Variants in SLC7A1 observed in about 807,000 individuals in gnomAD.
SLC7A1 encodes the protein high affinity cationic amino acid transporter 1.
Under a neutral mutation model 53.9 loss-of-function variants are expected in SLC7A1, and 10 were observed. The observed-to-expected ratio is 0.19, with a 90% confidence interval of 0.11 to 0.31. SLC7A1 has a LOEUF of 0.31. SLC7A1 is among the 10% of genes least tolerant of loss of function. The pLI, the probability that SLC7A1 is intolerant of heterozygous loss-of-function variation, is 1.00. For missense variants in SLC7A1, 525 were observed against 827.2 expected (o/e 0.63, Z 4.48); for synonymous variants, 342 against 338.7 (o/e 1.01, Z -0.11).
At chr13:29,578,993 C>G (rs1396619533) in intron 1 of SLC7A1, among the ~76,000 whole-genome samples, 2 of 152,224 alleles carry the variant, frequency 1.3e-5, no homozygotes, top group African/African-American at 4.8e-5. Flanking sequence ...GAAACAGATA[C>G]AAGTGGTGCC....
At chr13:29,531,038 C>G (rs550813420) in intron 4 of SLC7A1, among the ~76,000 whole-genome samples, 1 of 152,258 alleles carries the variant, frequency 6.6e-6, no homozygotes, top group African/African-American at 2.4e-5. Flanking sequence ...AGGGGAAAGC[C>G]TGGACCCGCA....
chr13:29,590,003 C>A (rs1872043670), intron 1 of SLC7A1, among the ~76,000 whole-genome samples: 1 of 152,214 alleles, frequency 6.6e-6, no homozygotes, highest in South Asian at 2.1e-4. Flanking sequence ...AGCCCCAGGG[C>A]CCCTCCCTTC....
chr13:29,545,436 C>A (rs1869872893), intron 2 of SLC7A1, among the ~76,000 whole-genome samples: 1 of 152,074 alleles, frequency 6.6e-6, no homozygotes, highest in Non-Finnish European at 1.5e-5. Context: ...CAAGGCACAA[C>A]GTCAAGGTCT....
At chr13:29,531,188 G>A (rs1463855278) in intron 4 of SLC7A1, among the ~76,000 whole-genome samples, 1 of 152,170 alleles carries the variant, frequency 6.6e-6, no homozygotes, top group Non-Finnish European at 1.5e-5. Flanking sequence ...GTTGACTTTG[G>A]GATGTTAGTG....
chr13:29,550,656 G>C (rs1188467171), intron 2 of SLC7A1, among the ~76,000 whole-genome samples: 4 of 152,306 alleles, frequency 2.6e-5, no homozygotes, highest in Non-Finnish European at 5.9e-5. Context: ...CAACCTGAGG[G>C]AATGTGGAAG....
chr13:29,527,935 G>A (rs1868973003), intron 5 of SLC7A1, among the ~76,000 whole-genome samples: 1 of 152,248 alleles, frequency 6.6e-6, no homozygotes, highest in African/African-American at 2.4e-5. Flanking sequence ...GTTTCCCAGA[G>A]TCACTAGCTG....
At chr13:29,522,203 GT>G in intron 8 of SLC7A1, 113 bp downstream of exon 8, 6 of 1,085,978 alleles carry the variant, frequency 5.5e-6, no homozygotes, top group Non-Finnish European at 8.2e-6. Flanking sequence ...AAAACCAGGA[GT>G]TAAAAAGACC....
chr13:29,548,652 C>A (rs1440331250), intron 2 of SLC7A1, among the ~76,000 whole-genome samples: 1 of 152,274 alleles, frequency 6.6e-6, no homozygotes, highest in Non-Finnish European at 1.5e-5. Flanking sequence ...TCCAGCTTCT[C>A]AAGGTCCAGC....
intron 5 of SLC7A1, among the ~76,000 whole-genome samples, chr13:29,527,170 G>T (rs995433249): frequency 6.6e-6 from 1 of 151,954 alleles, no homozygotes; most frequent in Non-Finnish European, 1.5e-5. Flanking sequence ...TAAGAAAACA[G>T]AAATAAAATA....
intron 2 of SLC7A1, among the ~76,000 whole-genome samples, chr13:29,550,576 A>G (rs994517271): frequency 2.0e-5 from 3 of 152,236 alleles, no homozygotes; most frequent in Non-Finnish European, 4.4e-5. Context: ...GGGAGCTGAC[A>G]GCAGCCTGCA....
At chr13:29,552,254 CAG>C (rs1555292267) in intron 2 of SLC7A1, among the ~76,000 whole-genome samples, 79 of 140,382 alleles carry the variant, frequency 5.6e-4, no homozygotes, top group South Asian at 7.1e-4. Context: ...CACACACACA[CAG>C]ACACACACAC....
At chr13:29,548,522 C>T (rs1870028341) in intron 2 of SLC7A1, among the ~76,000 whole-genome samples, 1 of 152,202 alleles carries the variant, frequency 6.6e-6, no homozygotes, top group East Asian at 1.9e-4. Flanking sequence ...GGGATTTACA[C>T]CTTTATTTAG....
intron 1 of SLC7A1, among the ~76,000 whole-genome samples, chr13:29,588,486 C>A (rs540082326): frequency 2.1e-5 from 3 of 145,956 alleles, no homozygotes; most frequent in Non-Finnish European, 3.0e-5. Flanking sequence ...TGCACTCCTG[C>A]AAATTTTCTT....
At position 29,522,510 on chromosome 13, in the gene SLC7A1, G is replaced by A. The variant is rs1868675289; in HGVS notation, c.1050-54C>T. The A allele has an allele frequency of 1.9e-6, 3 of 1,596,810 alleles. No individual in the cohort carries two copies. The South Asian group carries it at 3.3e-5, about 18-fold the overall frequency. The stretch of plus-strand genomic sequence containing the variant: ...TGAACCTGGCTCATAAGGGATAAAG[G>A]CACCACATCCAGCCATGCTCGGTTT... On this transcript the variant is annotated intron_variant, in intron 7 of 12. Transcript: ENST00000380752.
chr13:29,586,373 G>A (rs1018906579), intron 1 of SLC7A1, among the ~76,000 whole-genome samples: 1 of 152,146 alleles, frequency 6.6e-6, no homozygotes, highest in African/African-American at 2.4e-5. Context: ...CACTATTTTA[G>A]GTGCCACAAA....
At chr13:29,562,260 C>T (rs1424114000) in intron 1 of SLC7A1, among the ~76,000 whole-genome samples, 2 of 152,096 alleles carry the variant, frequency 1.3e-5, no homozygotes, top group African/African-American at 4.8e-5. Context: ...ATAGTTCTTC[C>T]CCTACTTTCT....
At chr13:29,549,472 A>C (rs1236367750) in intron 2 of SLC7A1, among the ~76,000 whole-genome samples, 2 of 152,166 alleles carry the variant, frequency 1.3e-5, no homozygotes, top group African/African-American at 4.8e-5. Context: ...GACCAATACC[A>C]TGACCACACA....
intron 2 of SLC7A1, among the ~76,000 whole-genome samples, chr13:29,539,316 G>T (rs547859693): frequency 6.6e-6 from 1 of 152,180 alleles, no homozygotes; most frequent in Non-Finnish European, 1.5e-5. Flanking sequence ...AACGGAAGGC[G>T]AATGTGAGCC....
At chr13:29,559,809 A>G (rs539817856) in intron 1 of SLC7A1, among the ~76,000 whole-genome samples, 190 of 150,412 alleles carry the variant, frequency 1.3e-3, no homozygotes, top group East Asian at 4.9e-3. Context: ...TCCGCCTCCC[A>G]GGTTCACGCC....
Sources: allele counts gnomAD v4.1 joint callset (sites outside exome capture counted in the v4.1 genomes callset), GRCh38; gene constraint gnomAD v4.1.1; transcripts MANE v1.5; gene names NCBI Gene and HGNC (gene_info 2026-07-23, HGNC 2026-07-21).